CALN1: variants seen among roughly 807,000 people sequenced by gnomAD.
CALN1 encodes calneuron 1, also known as calcium-binding protein 8.
A neutral mutation model predicts 30.6 loss-of-function variants in CALN1; 17 were observed. That is an observed-to-expected ratio of 0.56 (90% CI 0.38 to 0.83). The LOEUF (loss-of-function observed/expected upper bound fraction) is 0.83. Among genes scored for constraint, CALN1 ranks in the 40% least tolerant of loss-of-function variants. CALN1 has a pLI of 0.00. For synonymous variants in CALN1, 156 were observed against 131.4 expected (o/e 1.19, Z -1.28); for missense variants, 291 against 354.9 (o/e 0.82, Z 1.45).
intron 5 of CALN1, among the ~76,000 whole-genome samples, chr7:71,850,618 A>AG (rs1790582380): frequency 6.6e-6 from 1 of 152,168 alleles, no homozygotes; most frequent in Admixed American, 6.5e-5. Context: ...TATTTTTTGT[A>AG]GGGGGGAGGT....
chr7:72,175,094 G>T lies in CALN1; in HGVS notation c.245-68800C>A, dbSNP rs186130086. Among the ~76,000 whole-genome samples, 52 of 149,598 alleles carry T rather than the reference G, an allele frequency of 3.5e-4. 1 individual carries two copies. The highest frequency in any genetic ancestry group is 2.7e-3 in the Admixed American group (40 of 15,040). On this transcript the variant is annotated intron_variant, in intron 3 of 6. Coordinates refer to ENST00000395275, the MANE Select transcript of CALN1 (RefSeq NM_031468.4). ...ATATAATCAATTTTTTTTTTTTTGA[G>T]ACAGAGTCTCACTCTGTCACCCAGG... is the stretch of plus-strand genomic sequence containing the variant.
chr7:71,799,945 C>G (rs1445242111), intron 6 of CALN1, among the ~76,000 whole-genome samples: 5 of 152,160 alleles, frequency 3.3e-5, no homozygotes, highest in African/African-American at 7.2e-5. Context: ...CTATGTCTAC[C>G]CAAGGAGAAA....
intron 5 of CALN1, among the ~76,000 whole-genome samples, chr7:71,912,794 T>C (rs1330905623): frequency 6.6e-6 from 1 of 152,236 alleles, no homozygotes; most frequent in African/African-American, 2.4e-5. Context: ...GATTCCCTTA[T>C]GGCCTAAACT....
intron 2 of CALN1, among the ~76,000 whole-genome samples, chr7:72,314,851 A>C (rs201705818): frequency 3.4e-5 from 5 of 146,854 alleles, no homozygotes; most frequent in African/African-American, 1.3e-4. Context: ...AAAAAAAAAA[A>C]CAAAAAAAAC....
intron 3 of CALN1, among the ~76,000 whole-genome samples, chr7:72,190,235 A>C (rs1288327952): frequency 6.6e-6 from 1 of 152,154 alleles, no homozygotes; most frequent in South Asian, 2.1e-4. Flanking sequence ...ACATCCAGCT[A>C]CTTAGGAGGC....
chr7:72,371,716 A>G (rs1344341121), intron 2 of CALN1, among the ~76,000 whole-genome samples: 1 of 152,250 alleles, frequency 6.6e-6, no homozygotes, highest in African/African-American at 2.4e-5. Flanking sequence ...CATGTATTCC[A>G]TATGGATAAC....
At chr7:72,503,817 C>T in the CALN1 span, among the ~76,000 whole-genome samples, 1 of 136,992 alleles carries the variant, frequency 7.3e-6, no homozygotes, top group Non-Finnish European at 1.5e-5. Flanking sequence ...TCTGAGGGCA[C>T]TCTGGCCAGA....
intron 1 of CALN1, among the ~76,000 whole-genome samples, chr7:72,410,863 G>C (rs1028927777): frequency 7.9e-5 from 12 of 152,068 alleles, no homozygotes; most frequent in Admixed American, 6.6e-5. Flanking sequence ...AAAAATACAA[G>C]GATGTTTACT....
At chr7:72,394,993 T>C (rs1805824126) in intron 2 of CALN1, among the ~76,000 whole-genome samples, 1 of 152,142 alleles carries the variant, frequency 6.6e-6, no homozygotes, top group Non-Finnish European at 1.5e-5. Flanking sequence ...GAATGAATGG[T>C]ACACATGGGA....
In CALN1 at chr7:72,058,310, C is replaced by CTTTTTTTTTTTTT. The variant is rs3065011; in HGVS notation, c.389-34554_389-34542dup. On this transcript the variant is annotated intron_variant, in intron 4 of 6. Transcript: ENST00000395275. ...GCTACAAGCTGCAACAAGCTGGAAT[C>CTTTTTTTTTTTTT]TTTTTTTTTTTTTTTTTTTTTTTTT... 4.2e-4 allele frequency among the ~76,000 whole-genome samples: 30 copies of CTTTTTTTTTTTTT among 70,776 alleles called. 4 individuals carry two copies. Among genetic ancestry groups the CTTTTTTTTTTTTT allele is most frequent in the Admixed American group, 1.3e-3 (6 of 4,636 alleles). The allele number at this position is 70,776 out of a possible 152,430, so 46.4% of individuals were successfully genotyped here. A position where few individuals can be genotyped will look rare whatever the true frequency, so the allele number is the denominator to read the frequency against.
At chr7:71,820,479 C>T (rs145091560) in intron 5 of CALN1, among the ~76,000 whole-genome samples, 9 of 152,316 alleles carry the variant, frequency 5.9e-5, no homozygotes, top group East Asian at 5.8e-4. Context: ...AATATCTTCA[C>T]GTATTGTTTA....
chr7:72,123,923 C>G (rs1303032144), intron 3 of CALN1, among the ~76,000 whole-genome samples: 1 of 152,142 alleles, frequency 6.6e-6, no homozygotes, highest in African/African-American at 2.4e-5. Context: ...CTGGCTCCAG[C>G]TTGAAAAATA....
intron 3 of CALN1, among the ~76,000 whole-genome samples, chr7:72,175,613 C>T (rs1789291455): frequency 6.6e-6 from 1 of 152,108 alleles, no homozygotes; most frequent in South Asian, 2.1e-4. Flanking sequence ...TAATCCACTG[C>T]TAAAACTGGC....
the CALN1 span, among the ~76,000 whole-genome samples, chr7:72,452,376 G>A: frequency 6.6e-6 from 1 of 152,034 alleles, no homozygotes; most frequent in African/African-American, 2.4e-5. Flanking sequence ...TCACAGGGGT[G>A]GATCCCTTAT....
At chr7:72,305,743 T>G (rs1261138554) in intron 2 of CALN1, among the ~76,000 whole-genome samples, 1 of 152,190 alleles carries the variant, frequency 6.6e-6, no homozygotes. Flanking sequence ...ACAGACCGGG[T>G]GGCTTAAACA....
chr7:71,784,673 T>C lies in CALN1; in HGVS notation c.*3102A>G, dbSNP rs1343447224. On this transcript the variant is annotated 3_prime_UTR_variant, in exon 7 of 7. Coordinates refer to ENST00000395275, the MANE Select transcript of CALN1 (RefSeq NM_031468.4). ...GGGGTACCTGCTCTTGCAGCAAGAA[T>C]GAGCCAACCTGTGTTTGTCAATCAC... The C allele has an allele frequency of 1.3e-5, 5 of 396,964 alleles. No homozygotes were observed. The highest frequency in any genetic ancestry group is 2.2e-5 in the Non-Finnish European group (5 of 225,566). 24.6% of individuals were successfully genotyped at this position (396,964 alleles called of 1,614,324 possible). A position where few individuals can be genotyped will look rare whatever the true frequency, so the allele number is the denominator to read the frequency against.
intron 5 of CALN1, among the ~76,000 whole-genome samples, chr7:72,008,209 T>C (rs886786185): frequency 1.3e-5 from 2 of 152,166 alleles, no homozygotes; most frequent in Non-Finnish European, 2.9e-5. Context: ...ATATTATATA[T>C]CTGACATTCT....
chr7:71,858,853 C>A (rs1467590055), intron 5 of CALN1, among the ~76,000 whole-genome samples: 3 of 152,094 alleles, frequency 2.0e-5, no homozygotes, highest in Non-Finnish European at 4.4e-5. Flanking sequence ...CCAAGCTGTG[C>A]CCCGACCACT....
chr7:71,883,144 T>A (rs1792686993), intron 5 of CALN1, among the ~76,000 whole-genome samples: 1 of 152,168 alleles, frequency 6.6e-6, no homozygotes, highest in Admixed American at 6.5e-5. Flanking sequence ...TCTATATAAA[T>A]CTATCCATCT....
Sources: allele counts gnomAD v4.1 joint callset (sites outside exome capture counted in the v4.1 genomes callset), GRCh38; gene constraint gnomAD v4.1.1; transcripts MANE v1.5; gene names NCBI Gene and HGNC (gene_info 2026-07-23, HGNC 2026-07-21).